STK11: variants seen among roughly 807,000 people sequenced by gnomAD.
STK11 encodes the protein serine/threonine kinase 11.
A neutral mutation model predicts 47.3 loss-of-function variants in STK11; 8 were observed. The ratio of observed to expected loss-of-function variants is 0.17; its 90% CI spans 0.10 to 0.31. The LOEUF (loss-of-function observed/expected upper bound fraction) is 0.31, where lower values mean the gene tolerates loss of function less well. Among genes scored for constraint, STK11 ranks in the 10% least tolerant of loss-of-function variants. The probability of loss-of-function intolerance (pLI) is 1.00; values close to 1 mark genes in which losing one functional copy is unlikely to be tolerated. For synonymous variants in STK11, 330 were observed against 255.8 expected (o/e 1.29, Z -2.77); for missense variants, 475 against 605.0 (o/e 0.79, Z 2.25).
chr19:1,206,674 C>CGTCCG lies in STK11; in HGVS notation c.-240_-239insGTCCG. On this transcript the variant is annotated 5_prime_UTR_variant, in exon 1 of 10. Transcript: ENST00000326873. ...CTCGCGTCTGAGCCGCCGTCCCGGA[C>CGTCCG]CCCCGGTGCCCGCCGGTCCGCAGAC... 1.8e-6 allele frequency: 1 copy of CGTCCG among 558,150 alleles called. No individual in the cohort carries two copies. Among genetic ancestry groups the CGTCCG allele is most frequent in the South Asian group, 2.5e-5 (1 of 39,444 alleles). 34.6% of individuals were successfully genotyped at this position (558,150 alleles called of 1,614,324 possible). A position where few individuals can be genotyped will look rare whatever the true frequency, so the allele number is the denominator to read the frequency against.
intron 5 of STK11, among the ~76,000 whole-genome samples, 164 bp downstream of exon 5, chr19:1,220,881 G>A (rs1010198627): frequency 6.6e-6 from 1 of 152,230 alleles, no homozygotes; most frequent in Non-Finnish European, 1.5e-5. Flanking sequence ...TAACTCATAC[G>A]GCAGATGGTG....
At position 1,228,278 on chromosome 19, in the gene STK11, A is replaced by G; in HGVS notation, c.*702A>G. The G allele has an allele frequency of 9.5e-6, 3 of 316,626 alleles. No individual in the cohort carries two copies. Among genetic ancestry groups the G allele is most frequent in the Non-Finnish European group, 1.0e-5 (2 of 194,692 alleles). 19.6% of individuals were successfully genotyped at this position (316,626 alleles called of 1,614,324 possible). A position where few individuals can be genotyped will look rare whatever the true frequency, so the allele number is the denominator to read the frequency against. ...TGGGACCCCAGAGAAAACCCGGAGC[A>G]AGCAGGAGTGTGCGGTCAATATTTA... On this transcript the variant is annotated 3_prime_UTR_variant, in exon 10 of 10. Transcript: ENST00000326873.
Position 1,206,521 on chromosome 19 carries a change from G to T in STK11, c.-393G>T. The stretch of plus-strand genomic sequence containing the variant: ...CGCTCGGCCGTGTTCATACTTGTCC[G>T]TGGGCCTGAGGTCCCCGGAGGATGA... On this transcript the variant is annotated 5_prime_UTR_variant, in exon 1 of 10. Transcript: ENST00000326873. 1 of 290,132 alleles carries T rather than the reference G, an allele frequency of 3.4e-6. No individual in the cohort carries two copies. The allele number at this position is 290,132 out of a possible 1,614,324, so 18.0% of individuals were successfully genotyped here. A position where few individuals can be genotyped will look rare whatever the true frequency, so the allele number is the denominator to read the frequency against.
chr19:1,222,322 C>T (rs1448892388), intron 7 of STK11, among the ~76,000 whole-genome samples: 1 of 152,234 alleles, frequency 6.6e-6, no homozygotes, highest in African/African-American at 2.4e-5. Flanking sequence ...TTTTCCCCTC[C>T]TCCTGGGGCT....
At chr19:1,214,592 C>T (rs1292425504) in intron 1 of STK11, among the ~76,000 whole-genome samples, 1 of 152,164 alleles carries the variant, frequency 6.6e-6, no homozygotes, top group East Asian at 1.9e-4. Flanking sequence ...AGGAGGGAGT[C>T]CTCCACCCTC....
chr19:1,219,501 C>T, intron 3 of STK11, 88 bp downstream of exon 3: 1 of 1,383,106 alleles, frequency 7.2e-7, no homozygotes, highest in South Asian at 1.3e-5. Flanking sequence ...ACTGCTTGTC[C>T]TGATATTCAT....
rs2145436556 is a variant in STK11, at chr19:1,226,620, C to T, written c.1275C>T (p.Arg425=). 2 of 1,548,802 alleles carry T rather than the reference C, an allele frequency of 1.3e-6. No individual in the cohort carries two copies. Among genetic ancestry groups the T allele is most frequent in the South Asian group, 2.4e-5 (2 of 84,246 alleles). ...RKACSASSKI[R]RLSACKQQ Reference sequence around the variant, plus strand: ...CCTGCTCCGCCAGCAGCAAGATCCGCCGGCTGTCGGCCTGCAAGCAGCAGT... The same window carrying T: ...CCTGCTCCGCCAGCAGCAAGATCCGTCGGCTGTCGGCCTGCAAGCAGCAGT... Residue 425 remains arginine (R), a synonymous_variant, in exon 9 of 10, where the codon CGC becomes CGT. Transcript: ENST00000326873.
intron 1 of STK11, among the ~76,000 whole-genome samples, chr19:1,217,347 G>A (rs913698899): frequency 2.0e-5 from 3 of 152,146 alleles, no homozygotes; most frequent in African/African-American, 4.8e-5. Context: ...CTTGAGGCAC[G>A]TACCTCCACA....
At chr19:1,225,617 G>A (rs1599931355) in intron 8 of STK11, 3 of 985,526 alleles carry the variant, frequency 3.0e-6, no homozygotes, top group East Asian at 2.3e-4. Flanking sequence ...TGGGGTGGGT[G>A]TGTGGCAAGT....
At chr19:1,224,612 G>A in intron 8 of STK11, 4 of 985,702 alleles carry the variant, frequency 4.1e-6, no homozygotes, top group Middle Eastern at 5.2e-4. Context: ...TGCAGGCCAG[G>A]ATCCCTGAGC....
chr19:1,209,452 G>A (rs1375029443), intron 1 of STK11, among the ~76,000 whole-genome samples: 6 of 151,986 alleles, frequency 3.9e-5, no homozygotes, highest in African/African-American at 1.2e-4. Flanking sequence ...GTGTGGTGGC[G>A]TGTGCCTGTA....
rs535975204 is a variant in STK11, at chr19:1,227,941, C to T, written c.*365C>T. ...GCCCAGCGCCGTCCGGCGGCCCCGCCGCAGACCAGCTGGCGGGTGTGGAGA... is the reference window on the plus strand; with the variant it reads ...GCCCAGCGCCGTCCGGCGGCCCCGCTGCAGACCAGCTGGCGGGTGTGGAGA... On this transcript the variant is annotated 3_prime_UTR_variant, in exon 10 of 10. Transcript: ENST00000326873. 5.6e-6 allele frequency: 6 copies of T among 1,070,252 alleles called. No individual in the cohort carries two copies. Among genetic ancestry groups the T allele is most frequent in the Non-Finnish European group, 5.7e-6 (5 of 882,282 alleles). The allele number at this position is 1,070,252 out of a possible 1,614,324, so 66.3% of individuals were successfully genotyped here. A position where few individuals can be genotyped will look rare whatever the true frequency, so the allele number is the denominator to read the frequency against.
intron 8 of STK11, chr19:1,223,700 T>C (rs2080801890): frequency 2.9e-6 from 3 of 1,043,730 alleles, no homozygotes; most frequent in African/African-American, 1.7e-5. Flanking sequence ...GAGCGAGGGC[T>C]CAGACCTTTC....
chr19:1,212,449 G>C (rs1353770958), intron 1 of STK11, among the ~76,000 whole-genome samples: 1 of 151,890 alleles, frequency 6.6e-6, no homozygotes, highest in Non-Finnish European at 1.5e-5. Context: ...ATGGGGTTTC[G>C]CCATGTTGTC....
intron 8 of STK11, chr19:1,224,582 C>G: frequency 1.0e-6 from 1 of 985,610 alleles, no homozygotes; most frequent in Non-Finnish European, 1.2e-6. Context: ...GGACCACACG[C>G]TGACCCCCAC....
intron 2 of STK11, 127 bp from the exon 3 acceptor site, chr19:1,219,196 TG>T: frequency 9.2e-7 from 1 of 1,086,550 alleles, no homozygotes; most frequent in Non-Finnish European, 1.3e-6. Flanking sequence ...GAGGGCAGGG[TG>T]GGCCCTGGTC....
intron 3 of STK11, among the ~76,000 whole-genome samples, chr19:1,219,676 G>C (rs1256956816): frequency 6.6e-6 from 1 of 152,106 alleles, no homozygotes; most frequent in African/African-American, 2.4e-5. Flanking sequence ...TTCCCGAGTA[G>C]CTGGGATTAC....
rs372415132 is a variant in STK11, at chr19:1,214,369, G to A, written c.291-4048G>A. On this transcript the variant is annotated intron_variant, in intron 1 of 9. Coordinates refer to ENST00000326873, the MANE Select transcript of STK11 (RefSeq NM_000455.5). ...TTAAACAGACAACCCAGTGTCCCTT[G>A]GTCTATGCTGACCTGCTCAGGAGTG... Among the ~76,000 whole-genome samples the A allele has an allele frequency of 1.6e-4, 24 of 152,310 alleles. No individual in the cohort carries two copies. In the South Asian group the frequency reaches 4.8e-3, roughly 30 times the overall value.
In STK11 at chr19:1,222,015, C is replaced by T. The variant is rs757109406; in HGVS notation, c.920+9C>T. 1.3e-6 allele frequency: 2 copies of T among 1,565,034 alleles called. No homozygotes were observed. The highest frequency in any genetic ancestry group is 8.7e-7 in the Non-Finnish European group (1 of 1,155,586). On this transcript the variant is annotated intron_variant, in intron 7 of 9. Transcript: ENST00000326873. ...CAGATCCGGCAGCACAGGTGAGCGG[C>T]CCCTGGGGGCAGTGGGGCCGAGGCT...
Sources: allele counts gnomAD v4.1 joint callset (sites outside exome capture counted in the v4.1 genomes callset), GRCh38; gene constraint gnomAD v4.1.1; transcripts MANE v1.5; gene names NCBI Gene and HGNC (gene_info 2026-07-23, HGNC 2026-07-21).